Variants in SGCD observed in about 807,000 individuals in gnomAD.
SGCD encodes the protein delta-sarcoglycan.
In SGCD, 18 loss-of-function variants were observed where a neutral mutation model predicts 36.6. The observed-to-expected ratio is 0.49, with a 90% CI of 0.34 to 0.73. The LOEUF (loss-of-function observed/expected upper bound fraction) is 0.73, where lower values mean the gene tolerates loss of function less well. Ranked by LOEUF, SGCD falls within the 30% of genes least tolerant of loss-of-function variation. The pLI is 0.01. For missense variants in SGCD, 387 were observed against 346.7 expected, an observed-to-expected ratio of 1.12 and a Z score of -0.92; for synonymous variants, 133 against 130.6, an observed-to-expected ratio of 1.02 and a Z score of -0.12.
rs145777899 is a variant in SGCD at position 156,329,489 on chromosome 5, C to A, written c.-43-45C>A. ...TCAGATTTCCTAGGCAAGGAGGGGGCAGGCTCTTCAGACCTTATTTTTAAC... is the reference window on the plus strand; with the variant it reads ...TCAGATTTCCTAGGCAAGGAGGGGGAAGGCTCTTCAGACCTTATTTTTAAC... On this transcript the variant is annotated intron_variant, in intron 1 of 8. Coordinates refer to ENST00000337851, the MANE Select transcript of SGCD (RefSeq NM_000337.6). 2.7e-5 allele frequency: 35 copies of A among 1,318,610 alleles called. No homozygotes were observed. The East Asian group carries it at 7.4e-4, about 28-fold the overall frequency. 81.7% of individuals were successfully genotyped at this position (1,318,610 alleles called of 1,614,324 possible).
intron 6 of SGCD, among the ~76,000 whole-genome samples, chr5:156,625,793 A>G (rs552529831): frequency 1.2e-3 from 186 of 152,340 alleles, no homozygotes; most frequent in Non-Finnish European, 2.3e-3. Context: ...AAGCCCTGAC[A>G]TATGTCTAGG....
intron 1 of SGCD, among the ~76,000 whole-genome samples, chr5:155,958,706 G>A (rs1429913515): frequency 6.6e-6 from 1 of 152,116 alleles, no homozygotes; most frequent in Non-Finnish European, 1.5e-5. Context: ...GAAATATTGT[G>A]ACATTTAGAA....
chr5:155,876,206 C>A (rs1448900995), intron 1 of SGCD, among the ~76,000 whole-genome samples: 24 of 116,306 alleles, frequency 2.1e-4, no homozygotes, highest in African/African-American at 6.8e-4. Context: ...CCCCTCCCCC[C>A]ACCCCACCAC....
chr5:156,578,859 A>G (rs997523188), intron 4 of SGCD, among the ~76,000 whole-genome samples: 7 of 152,152 alleles, frequency 4.6e-5, no homozygotes, highest in African/African-American at 1.7e-4. Context: ...TCTTTTCAAA[A>G]AACCAGCTCC....
intron 4 of SGCD, among the ~76,000 whole-genome samples, chr5:156,553,940 A>C (rs1330937682): frequency 1.3e-5 from 2 of 152,158 alleles, no homozygotes; most frequent in Admixed American, 1.3e-4. Context: ...TTTTTGTGTA[A>C]ATATATGTTT....
the SGCD span, among the ~76,000 whole-genome samples, chr5:155,788,195 C>G: frequency 1.6e-4 from 25 of 152,074 alleles, no homozygotes; most frequent in African/African-American, 6.0e-4. Context: ...AACATTTTCT[C>G]AAAACATGGT....
At chr5:155,916,191 A>G (rs1424472265) in intron 1 of SGCD, among the ~76,000 whole-genome samples, 1 of 152,308 alleles carries the variant, frequency 6.6e-6, no homozygotes, top group East Asian at 1.9e-4. Flanking sequence ...TTTATTTCCC[A>G]TGAGCCTTTT....
At chr5:156,249,556 C>T (rs1324279680) in intron 3 of SGCD, among the ~76,000 whole-genome samples, 20 of 152,120 alleles carry the variant, frequency 1.3e-4, no homozygotes, top group Admixed American at 1.3e-3. Context: ...TGATAGAAGG[C>T]AGAAATCTTT....
rs75891963 is a variant in SGCD at position 156,211,607 on chromosome 5, C to CAA, written c.-44+87604_-44+87605dup. On this transcript the variant is annotated intron_variant, in intron 3 of 9. Transcript: ENST00000517913. ...TGGGCGACAGAGCGAGACTCAGACT[C>CAA]AAAAAAAAAAAAAAAAAGATGCAAG... Among the ~76,000 whole-genome samples the CAA allele has an allele frequency of 6.6e-3, 378 of 57,382 alleles. 10 individuals carry two copies. In the South Asian group the frequency reaches 0.067, roughly 10 times the overall value. 37.6% of individuals were successfully genotyped at this position (57,382 alleles called of 152,430 possible). A position where few individuals can be genotyped will look rare whatever the true frequency, so the allele number is the denominator to read the frequency against.
At chr5:156,394,930 T>C (rs1350904082) in intron 3 of SGCD, among the ~76,000 whole-genome samples, 2 of 152,246 alleles carry the variant, frequency 1.3e-5, no homozygotes, top group South Asian at 2.1e-4. Flanking sequence ...CAGGCTTACA[T>C]AATCATATTG....
intron 3 of SGCD, among the ~76,000 whole-genome samples, chr5:156,400,525 A>C (rs1180854518): frequency 6.6e-6 from 1 of 152,238 alleles, no homozygotes; most frequent in Non-Finnish European, 1.5e-5. Flanking sequence ...ATTACAGAAT[A>C]ATAAGGACAA....
intron 1 of SGCD, among the ~76,000 whole-genome samples, chr5:156,057,829 A>G (rs926441086): frequency 6.9e-6 from 1 of 145,780 alleles, no homozygotes; most frequent in African/African-American, 2.5e-5. Context: ...GTACCTAAGA[A>G]TGCTAAAAAA....
chr5:155,762,823 T>G, the SGCD span, among the ~76,000 whole-genome samples: 1 of 152,324 alleles, frequency 6.6e-6, no homozygotes, highest in East Asian at 1.9e-4. Flanking sequence ...CCTCTAATAC[T>G]TAGTTCCTTA....
chr5:156,687,616 A>C (rs1753952600), intron 7 of SGCD, among the ~76,000 whole-genome samples: 1 of 152,206 alleles, frequency 6.6e-6, no homozygotes. Flanking sequence ...GTACTTGGTA[A>C]AACAGGCAGC....
the SGCD span, among the ~76,000 whole-genome samples, chr5:155,774,424 G>A: frequency 3.3e-5 from 5 of 152,060 alleles, no homozygotes; most frequent in African/African-American, 1.2e-4. Flanking sequence ...ACAGATCAGT[G>A]CAAATTTAGT....
intron 3 of SGCD, among the ~76,000 whole-genome samples, chr5:156,365,025 G>A (rs1770016171): frequency 2.6e-5 from 4 of 152,122 alleles, no homozygotes. Context: ...CTTCTACAAT[G>A]GAGAGAAGTT....
At chr5:156,184,539 T>C (rs1361409730) in intron 3 of SGCD, among the ~76,000 whole-genome samples, 1 of 152,206 alleles carries the variant, frequency 6.6e-6, no homozygotes, top group Non-Finnish European at 1.5e-5. Flanking sequence ...TGTTTATTGA[T>C]TGCTTCTTCC....
chr5:156,146,458 T>A (rs1410772324), intron 3 of SGCD, among the ~76,000 whole-genome samples: 1 of 152,172 alleles, frequency 6.6e-6, no homozygotes, highest in African/African-American at 2.4e-5. Flanking sequence ...GTCAAGGGAA[T>A]AAGCGGTGAA....
chr5:155,738,947 GAGAA>G, the SGCD span, among the ~76,000 whole-genome samples: 15 of 152,174 alleles, frequency 9.9e-5, no homozygotes, highest in South Asian at 8.3e-4. Flanking sequence ...GTGTGTGAGA[GAGAA>G]AGAGAGAGAG....
Sources: gnomAD v4.1 joint callset for allele counts (sites outside exome capture counted in the v4.1 genomes callset) on GRCh38, gnomAD v4.1.1 for gene constraint, MANE v1.5 for transcripts, NCBI Gene and HGNC (gene_info 2026-07-23, HGNC 2026-07-21) for gene names.